Variants in NEBL observed in about 807,000 individuals in gnomAD.
NEBL encodes the protein LIM and SH3 protein 2.
A neutral mutation model predicts 140.2 loss-of-function variants in NEBL; 122 were observed. The observed-to-expected ratio is 0.87, with a 90% CI of 0.75 to 1.01. NEBL has a LOEUF of 1.01. Ranked by LOEUF, NEBL falls within the 50% of genes least tolerant of loss-of-function variation. The pLI, the probability that NEBL is intolerant of heterozygous loss-of-function variation, is 0.00. For missense variants in NEBL, 1,365 were observed against 1,231.3 expected, an observed-to-expected ratio of 1.11 and a Z score of -1.62; for synonymous variants, 436 against 398.9, an observed-to-expected ratio of 1.09 and a Z score of -1.11.
chr10:20,914,969 A>ATTT lies in NEBL; in HGVS notation c.357+46700_357+46702dup, dbSNP rs71390798. On this transcript the variant is annotated intron_variant, in intron 4 of 6. Transcript: ENST00000417816. ...TACCTCTGCCTCCCAAGTGGCTGGG[A>ATTT]TTTTTTTTTTTTTTGGAGAGATGGG... is the stretch of plus-strand genomic sequence containing the variant. 7.8e-3 allele frequency among the ~76,000 whole-genome samples: 870 copies of ATTT among 111,224 alleles called. 43 individuals carry two copies. Among genetic ancestry groups the ATTT allele is most frequent in the African/African-American group, 0.028 (814 of 29,244 alleles). 73.0% of individuals were successfully genotyped at this position (111,224 alleles called of 152,430 possible).
At chr10:20,874,280 G>T (rs949316910) in intron 5 of NEBL, among the ~76,000 whole-genome samples, 1 of 152,072 alleles carries the variant, frequency 6.6e-6, no homozygotes, top group Admixed American at 6.6e-5. Context: ...CATGTGATTG[G>T]TGGGCCTCTG....
chr10:21,142,696 G>T (rs1839692562), intron 2 of NEBL, among the ~76,000 whole-genome samples: 1 of 152,162 alleles, frequency 6.6e-6, no homozygotes, highest in Non-Finnish European at 1.5e-5. Context: ...CAGACGGTAT[G>T]GCGAGCATTA....
chr10:21,049,830 G>A (rs1430153939), intron 2 of NEBL, among the ~76,000 whole-genome samples: 1 of 152,122 alleles, frequency 6.6e-6, no homozygotes. Context: ...AAAGTGAACT[G>A]TCTATTACAG....
intron 2 of NEBL, among the ~76,000 whole-genome samples, chr10:21,039,258 T>C (rs767932831): frequency 6.6e-6 from 1 of 152,200 alleles, no homozygotes; most frequent in Non-Finnish European, 1.5e-5. Context: ...TTTTGGCTTT[T>C]GTTGCCATTG....
intron 3 of NEBL, among the ~76,000 whole-genome samples, chr10:21,010,674 TAG>T (rs1309872027): frequency 6.6e-6 from 1 of 152,178 alleles, no homozygotes; most frequent in African/African-American, 2.4e-5. Flanking sequence ...TACAAATATA[TAG>T]AGTTACTCTA....
chr10:20,905,907 C>G (rs1036295775), intron 4 of NEBL, among the ~76,000 whole-genome samples: 1 of 152,098 alleles, frequency 6.6e-6, no homozygotes, highest in Non-Finnish European at 1.5e-5. Flanking sequence ...AACCATGAAG[C>G]CTTTGCAGTT....
intron 4 of NEBL, among the ~76,000 whole-genome samples, chr10:20,923,307 A>C (rs1322304833): frequency 6.6e-6 from 1 of 152,050 alleles, no homozygotes; most frequent in African/African-American, 2.4e-5. Context: ...GGCTCAAGCA[A>C]TCTGCCTGCC....
At chr10:21,130,428 T>TACCCAACA (rs1839049845) in intron 2 of NEBL, among the ~76,000 whole-genome samples, 1 of 152,084 alleles carries the variant, frequency 6.6e-6, no homozygotes, top group East Asian at 1.9e-4. Context: ...TAGACTACTT[T>TACCCAACA]ACCCAACAAC....
intron 1 of NEBL, among the ~76,000 whole-genome samples, chr10:21,279,866 T>C (rs1842970677): frequency 6.6e-6 from 1 of 152,138 alleles, no homozygotes; most frequent in South Asian, 2.1e-4. Flanking sequence ...CTGGTTCATA[T>C]GATTCATTGG....
At chr10:21,291,644 G>C (rs1003160126) in intron 1 of NEBL, among the ~76,000 whole-genome samples, 2 of 152,132 alleles carry the variant, frequency 1.3e-5, no homozygotes, top group African/African-American at 4.8e-5. Flanking sequence ...ACCAGGCGCA[G>C]TGGCTCACAC....
At chr10:21,281,120 A>G (rs1842986642) in intron 1 of NEBL, among the ~76,000 whole-genome samples, 2 of 152,224 alleles carry the variant, frequency 1.3e-5, no homozygotes, top group Admixed American at 1.3e-4. Context: ...GGAAAGACAA[A>G]ATGCCTGGGA....
chr10:20,921,420 C>T (rs574555142), intron 4 of NEBL, among the ~76,000 whole-genome samples: 13 of 152,260 alleles, frequency 8.5e-5, no homozygotes, highest in South Asian at 4.1e-4. Context: ...GAGGCAGGAA[C>T]GGGAGATCAG....
intron 3 of NEBL, among the ~76,000 whole-genome samples, chr10:21,006,450 G>A (rs1210600026): frequency 6.6e-6 from 1 of 152,068 alleles, no homozygotes; most frequent in African/African-American, 2.4e-5. Flanking sequence ...TAGAAGGCAG[G>A]GAGTCCATAA....
At chr10:21,092,836 C>T (rs1432452327) in intron 2 of NEBL, among the ~76,000 whole-genome samples, 2 of 152,002 alleles carry the variant, frequency 1.3e-5, no homozygotes, top group African/African-American at 4.8e-5. Context: ...AAAGCCTTTG[C>T]CTTTTCACCA....
At chr10:20,877,715 A>G (rs563126699) in intron 5 of NEBL, among the ~76,000 whole-genome samples, 1 of 152,158 alleles carries the variant, frequency 6.6e-6, no homozygotes, top group Non-Finnish European at 1.5e-5. Context: ...TTTGCATAAT[A>G]TAATTAGGGC....
intron 26 of NEBL, among the ~76,000 whole-genome samples, chr10:20,787,786 A>T (rs921002537): frequency 1.3e-5 from 2 of 152,220 alleles, no homozygotes; most frequent in Non-Finnish European, 2.9e-5. Flanking sequence ...CAAAGACGGC[A>T]AACATAACGT....
chr10:21,152,322 G>C (rs143953771), intron 2 of NEBL, among the ~76,000 whole-genome samples: 2 of 152,266 alleles, frequency 1.3e-5, no homozygotes, highest in African/African-American at 2.4e-5. Context: ...TTTTAAATCC[G>C]TTAGTCCCAA....
intron 2 of NEBL, among the ~76,000 whole-genome samples, chr10:21,162,872 G>A (rs58290483): frequency 0.033 from 4,993 of 152,292 alleles, 293 homozygotes; most frequent in African/African-American, 0.11. Flanking sequence ...CAATGCCAGA[G>A]GGCATAAGAA....
chr10:21,253,540 C>CTTT (rs71509095), intron 1 of NEBL, among the ~76,000 whole-genome samples: 3 of 110,690 alleles, frequency 2.7e-5, no homozygotes, highest in Non-Finnish European at 5.4e-5. Flanking sequence ...TTTTAAACCT[C>CTTT]TTTTTTTTTT....
Sources: gnomAD v4.1 joint callset for allele counts (sites outside exome capture counted in the v4.1 genomes callset) on GRCh38, gnomAD v4.1.1 for gene constraint, MANE v1.5 for transcripts, NCBI Gene and HGNC (gene_info 2026-07-23, HGNC 2026-07-21) for gene names.